The following RAB11FIP4 variants were observed in gnomAD, a reference collection of about 807,000 sequenced individuals.
RAB11FIP4 encodes RAB11 family interacting protein 4, also known as rab11 family-interacting protein 4.
A neutral mutation model predicts 74.3 loss-of-function variants in RAB11FIP4; 23 were observed. The observed-to-expected ratio is 0.31, with a 90% CI of 0.22 to 0.44. RAB11FIP4 has a LOEUF of 0.44. RAB11FIP4 is among the 20% of genes least tolerant of loss of function. RAB11FIP4 has a pLI of 1.00. For synonymous variants in RAB11FIP4, 360 were observed against 359.9 expected, an observed-to-expected ratio of 1.00 and a Z score of 0.00; for missense variants, 630 against 863.9, an observed-to-expected ratio of 0.73 and a Z score of 3.39.
intron 3 of RAB11FIP4, among the ~76,000 whole-genome samples, chr17:31,442,207 GC>G (rs1269159091): frequency 6.6e-6 from 1 of 152,038 alleles, no homozygotes; most frequent in Admixed American, 6.6e-5. Flanking sequence ...CACTCTGTTA[GC>G]CAGGATGGTC....
chr17:31,457,747 C>G (rs554881841), intron 3 of RAB11FIP4, among the ~76,000 whole-genome samples: 45 of 151,968 alleles, frequency 3.0e-4, no homozygotes, highest in African/African-American at 1.0e-3. Flanking sequence ...CCCTCTGTCT[C>G]TCAACTTGGC....
intron 3 of RAB11FIP4, among the ~76,000 whole-genome samples, chr17:31,486,978 G>C (rs947090704): frequency 6.6e-6 from 1 of 152,224 alleles, no homozygotes; most frequent in Non-Finnish European, 1.5e-5. Flanking sequence ...ATGTGTGTGT[G>C]TGCATGTGTG....
intron 3 of RAB11FIP4, among the ~76,000 whole-genome samples, chr17:31,494,525 A>C (rs1403713705): frequency 6.6e-6 from 1 of 152,118 alleles, no homozygotes; most frequent in African/African-American, 2.4e-5. Context: ...TCATGGCCCA[A>C]ACAGGAAGGT....
At chr17:31,423,517 G>A (rs753969760) in intron 1 of RAB11FIP4, among the ~76,000 whole-genome samples, 2 of 152,230 alleles carry the variant, frequency 1.3e-5, no homozygotes, top group Non-Finnish European at 2.9e-5. Context: ...ACGAGCATGA[G>A]CCACTGTGCC....
At chr17:31,438,506 T>C (rs571788409) in intron 3 of RAB11FIP4, among the ~76,000 whole-genome samples, 193 of 152,072 alleles carry the variant, frequency 1.3e-3, no homozygotes, top group African/African-American at 4.5e-3. Flanking sequence ...CACTCACCCC[T>C]GCCTCCCCCT....
rs115540180 is a variant in RAB11FIP4 at position 31,405,855 on chromosome 17, G to A, written c.159+13844G>A. Among the ~76,000 whole-genome samples the A allele has an allele frequency of 9.4e-3, 1,427 of 152,208 alleles. 19 individuals carry two copies. Among genetic ancestry groups the A allele is most frequent in the African/African-American group, 0.033 (1,363 of 41,504 alleles). On this transcript the variant is annotated intron_variant, in intron 1 of 14. Transcript: ENST00000621161. ...TTATGATTGCCTGGTGTGAGCTATC[G>A]TGACCCTTTTTCACCTCGAGGTGTT...
At position 31,531,596 on chromosome 17, in the gene RAB11FIP4, G is replaced by A. The variant is rs773740221; in HGVS notation, c.1798-20G>A. ...CTATCCCAGGCCCAGCCACTGACCC[G>A]TCTTTCCCATTTCCTTCAGCTAATG... On this transcript the variant is annotated intron_variant, in intron 14 of 14. Transcript: ENST00000621161. 7.1e-5 allele frequency: 111 copies of A among 1,567,294 alleles called. No individual in the cohort carries two copies. The highest frequency in any genetic ancestry group is 9.2e-5 in the Non-Finnish European group (105 of 1,137,552).
chr17:31,451,667 A>G (rs537676665), intron 3 of RAB11FIP4, among the ~76,000 whole-genome samples: 11 of 152,128 alleles, frequency 7.2e-5, no homozygotes, highest in African/African-American at 2.7e-4. Flanking sequence ...AAACTGCCCA[A>G]GCGAGTTCTG....
At chr17:31,474,144 G>C (rs1286203313) in intron 3 of RAB11FIP4, among the ~76,000 whole-genome samples, 3 of 152,186 alleles carry the variant, frequency 2.0e-5, no homozygotes, top group Non-Finnish European at 4.4e-5. Context: ...GCCCTCACAG[G>C]CCAAGCCCTA....
intron 3 of RAB11FIP4, among the ~76,000 whole-genome samples, chr17:31,435,055 G>T (rs1371372174): frequency 6.6e-6 from 1 of 152,190 alleles, no homozygotes; most frequent in African/African-American, 2.4e-5. Context: ...ATGTGGTGGT[G>T]CACACCTGTA....
At chr17:31,403,066 G>A (rs1398853503) in intron 1 of RAB11FIP4, among the ~76,000 whole-genome samples, 1 of 151,976 alleles carries the variant, frequency 6.6e-6, no homozygotes, top group Non-Finnish European at 1.5e-5. Context: ...ACTGAGCATG[G>A]TGGCTATTGC....
rs751680235 is a variant in RAB11FIP4 at position 31,525,084 on chromosome 17, C to G, written c.1134-6C>G. 1.5e-5 allele frequency: 24 copies of G among 1,550,368 alleles called. No individual in the cohort carries two copies. The South Asian group carries it at 2.9e-4, about 18-fold the overall frequency. Reference sequence around the variant, plus strand: ...CCCAAGAGCTTGCCCATTGCGCTGTCCTCAGGGTGCATGAGCTGGAGGAGA... The same window carrying G: ...CCCAAGAGCTTGCCCATTGCGCTGTGCTCAGGGTGCATGAGCTGGAGGAGA... On this transcript the variant is annotated splice_polypyrimidine_tract_variant and splice_region_variant and intron_variant, in intron 9 of 14. Transcript: ENST00000621161.
At chr17:31,522,476 G>A (rs2072687255) in intron 7 of RAB11FIP4, 81 bp downstream of exon 7, 1 of 1,393,904 alleles carries the variant, frequency 7.2e-7, no homozygotes, top group Non-Finnish European at 1.0e-6. Context: ...CAGCAGCCCG[G>A]ACTCAGCTGG....
chr17:31,482,275 A>T (rs2071857121), intron 3 of RAB11FIP4, among the ~76,000 whole-genome samples: 1 of 131,468 alleles, frequency 7.6e-6, no homozygotes, highest in African/African-American at 3.0e-5. Flanking sequence ...TGGATCCAAG[A>T]GTCATTCCCA....
intron 3 of RAB11FIP4, among the ~76,000 whole-genome samples, chr17:31,448,145 C>G (rs917946603): frequency 2.0e-5 from 3 of 152,220 alleles, no homozygotes; most frequent in African/African-American, 7.2e-5. Flanking sequence ...GCTTTAGAGG[C>G]TGCTCTTTCG....
intron 3 of RAB11FIP4, among the ~76,000 whole-genome samples, chr17:31,513,335 A>T (rs569888483): frequency 2.0e-5 from 3 of 152,322 alleles, no homozygotes; most frequent in South Asian, 4.1e-4. Flanking sequence ...CAAAAGGGAA[A>T]TTGGCCAAGA....
At chr17:31,445,532 TTA>T (rs1208804229) in intron 3 of RAB11FIP4, among the ~76,000 whole-genome samples, 417 of 36,492 alleles carry the variant, frequency 0.011, 2 homozygotes, top group East Asian at 0.023. Flanking sequence ...TTTCCCAATT[TTA>T]TATATATATA....
At position 31,531,865 on chromosome 17, in the gene RAB11FIP4, C is replaced by A. The variant is rs191199267; in HGVS notation, c.*133C>A. The A allele has an allele frequency of 2.0e-4, 135 of 684,832 alleles. No individual in the cohort carries two copies. The Admixed American group carries it at 3.0e-3, about 15-fold the overall frequency. 42.4% of individuals were successfully genotyped at this position (684,832 alleles called of 1,614,324 possible). The stretch of plus-strand genomic sequence containing the variant: ...TCTGGCCACCATGCGTTACGTGTAC[C>A]CGTGTATATGTGGGGAGGCTGTGCA... On this transcript the variant is annotated 3_prime_UTR_variant, in exon 15 of 15. Transcript: ENST00000621161.
At chr17:31,402,485 C>G (rs1245657896) in intron 1 of RAB11FIP4, among the ~76,000 whole-genome samples, 1 of 152,092 alleles carries the variant, frequency 6.6e-6, no homozygotes, top group African/African-American at 2.4e-5. Context: ...TGATTCCTGC[C>G]CTCTATGGAA....
Sources: gnomAD v4.1 joint callset for allele counts (sites outside exome capture counted in the v4.1 genomes callset) on GRCh38, gnomAD v4.1.1 for gene constraint, MANE v1.5 for transcripts, NCBI Gene and HGNC (gene_info 2026-07-23, HGNC 2026-07-21) for gene names.